LRP1: variants seen among roughly 807,000 people sequenced by gnomAD.
LRP1 encodes the protein LDL receptor related protein 1.
Under a neutral mutation model 541.5 loss-of-function variants are expected in LRP1, and 51 were observed. That is an observed-to-expected ratio of 0.09 (90% CI 0.08 to 0.12). The LOEUF (loss-of-function observed/expected upper bound fraction) is 0.12, where lower values mean the gene tolerates loss of function less well. LRP1 is among the 10% of genes least tolerant of loss of function. The pLI is 1.00. For missense variants in LRP1, 3,878 were observed against 6,376.2 expected (o/e 0.61, Z 13.34); for synonymous variants, 2,219 against 2,470.8 (o/e 0.90, Z 3.02).
rs756073595 is a variant in LRP1, at chr12:57,199,184, G to C, written c.9677-28G>C. ...ACCCTGTCCGAGCTCCGGCTGACTG[G>C]CACTGTGCCTGCCCCTTGGCCCTGC... is the stretch of plus-strand genomic sequence containing the variant. On this transcript the variant is annotated intron_variant, in intron 60 of 88. Coordinates refer to ENST00000243077, the MANE Select transcript of LRP1 (RefSeq NM_002332.3). The C allele has an allele frequency of 7.5e-6, 12 of 1,605,504 alleles. No homozygotes were observed. In the African/African-American group the frequency reaches 1.3e-4, roughly 18 times the overall value.
intron 42 of LRP1, among the ~76,000 whole-genome samples, chr12:57,188,579 C>T (rs1326796780): frequency 6.6e-6 from 1 of 152,174 alleles, no homozygotes; most frequent in African/African-American, 2.4e-5. Context: ...GAGCCTGTCC[C>T]TCATGAGTCT....
At position 57,177,599 on chromosome 12, in the gene LRP1, C is replaced by T; in HGVS notation, c.4361+8C>T. 1 of 1,613,316 alleles carries T rather than the reference C, an allele frequency of 6.2e-7. No individual in the cohort carries two copies. The highest frequency in any genetic ancestry group is 8.5e-7 in the Non-Finnish European group (1 of 1,179,740). The stretch of plus-strand genomic sequence containing the variant: ...CCTTTGGATTGACGCCAGGTCAGCA[C>T]CCTCTGTGCCCTGAGAAGGCCCAAG... On this transcript the variant is annotated splice_region_variant and intron_variant, in intron 26 of 88. Transcript: ENST00000243077. The surrounding 1 kb of genome is among the most constrained non-coding windows in gnomAD (Gnocchi z 6.8).
chr12:57,184,494 T>G lies in LRP1; in HGVS notation c.6186+42T>G. ...GGCCTTGGATCCGATGGTAGACCCCTGACCCAGGCTCCTGTTCCCTGTGAT... is the reference window on the plus strand; with the variant it reads ...GGCCTTGGATCCGATGGTAGACCCCGGACCCAGGCTCCTGTTCCCTGTGAT... On this transcript the variant is annotated intron_variant, in intron 38 of 88. Transcript: ENST00000243077. This position sits in a 1 kb window ranked among gnomAD's most constrained non-coding sequence, Gnocchi z 7.8. The G allele has an allele frequency of 6.2e-7, 1 of 1,612,438 alleles. No homozygotes were observed. The highest frequency in any genetic ancestry group is 1.1e-5 in the South Asian group (1 of 90,862).
In LRP1 at chr12:57,205,543, C is replaced by A. The variant is rs749665186; in HGVS notation, c.11471-15C>A. The A allele has an allele frequency of 3.1e-6, 5 of 1,614,002 alleles. No individual in the cohort carries two copies. Among genetic ancestry groups the A allele is most frequent in the Non-Finnish European group, 4.2e-6 (5 of 1,180,004 alleles). On this transcript the variant is annotated splice_polypyrimidine_tract_variant and intron_variant, in intron 74 of 88. Transcript: ENST00000243077. The surrounding 1 kb of genome is among the most constrained non-coding windows in gnomAD (Gnocchi z 4.6). ...CCCAACTGTGGACTCTCATGACCCT[C>A]CCTGTAACCCTTAGACATCAACGAG...
chr12:57,184,122 C>T lies in LRP1; in HGVS notation c.5967C>T (p.Ile1989=). The T allele has an allele frequency of 6.2e-7, 1 of 1,614,098 alleles. No homozygotes were observed. Among genetic ancestry groups the T allele is most frequent in the South Asian group, 1.1e-5 (1 of 91,072 alleles). The part of the protein sequence containing the change: ...IYWTDQGFDV[I]EVARLNGSFR... ...GGACAGACCAGGGCTTTGATGTCATCGAGGTCGCCCGGCTCAATGGCTCCT... is the reference window on the plus strand; with the variant it reads ...GGACAGACCAGGGCTTTGATGTCATTGAGGTCGCCCGGCTCAATGGCTCCT... The change falls in exon 37 of 89, where the codon ATC becomes ATT. Residue 1989 remains isoleucine, a synonymous_variant. Transcript: ENST00000243077. This position sits in a 1 kb window ranked among gnomAD's most constrained non-coding sequence, Gnocchi z 7.8.
In LRP1 at chr12:57,179,151, C is replaced by T. The variant is rs1052139596; in HGVS notation, c.4738+130C>T. ...GTCCCGATAGGAGAGGCTCCAGAGACAGCCACTGTGAGAAGGGGCTGCAGG... is the reference window on the plus strand; with the variant it reads ...GTCCCGATAGGAGAGGCTCCAGAGATAGCCACTGTGAGAAGGGGCTGCAGG... On this transcript the variant is annotated intron_variant, in intron 28 of 88. Transcript: ENST00000243077. The surrounding 1 kb of genome is among the most constrained non-coding windows in gnomAD (Gnocchi z 6.8). The T allele has an allele frequency of 8.1e-6, 11 of 1,361,772 alleles. No homozygotes were observed. In the African/African-American group the frequency reaches 1.6e-4, roughly 20 times the overall value. 84.4% of individuals were successfully genotyped at this position (1,361,772 alleles called of 1,614,324 possible). A position where few individuals can be genotyped will look rare whatever the true frequency, so the allele number is the denominator to read the frequency against.
At chr12:57,138,723 A>G (rs2035225752) in intron 2 of LRP1, 142 bp downstream of exon 2, 1 of 1,162,148 alleles carries the variant, frequency 8.6e-7, no homozygotes, top group Admixed American at 2.4e-5. Context: ...CACAGCTAAA[A>G]CTGTCCTTTA....
In LRP1 at chr12:57,201,103, G is replaced by A. The variant is rs200178766; in HGVS notation, c.10295G>A (p.Arg3432His). 46 of 1,614,044 alleles carry A rather than the reference G, an allele frequency of 2.8e-5. No homozygotes were observed. Among genetic ancestry groups the A allele is most frequent in the Admixed American group, 2.7e-4 (16 of 60,018 alleles). ...AACCGCTGTATTCCCGGCATCTTCC[G>A]CTGCAATGGGCAGGACAACTGCGGA... Reference protein sequence around the residue: ...NTNRCIPGIFRCNGQDNCGDG... With the variant: ...NTNRCIPGIFHCNGQDNCGDG... The change falls in exon 65 of 89, where the codon CGC becomes CAC. Residue 3432 changes from arginine to histidine, a missense_variant. Coordinates refer to ENST00000243077, the MANE Select transcript of LRP1 (RefSeq NM_002332.3). This position sits in a 1 kb window ranked among gnomAD's most constrained non-coding sequence, Gnocchi z 6.4.
In LRP1 at chr12:57,138,454, C is replaced by G. The variant is rs1232233585; in HGVS notation, c.68-5C>G. 6.2e-7 allele frequency: 1 copy of G among 1,613,656 alleles called. No individual in the cohort carries two copies. The highest frequency in any genetic ancestry group is 8.5e-7 in the Non-Finnish European group (1 of 1,179,778). On this transcript the variant is annotated splice_region_variant and splice_polypyrimidine_tract_variant and intron_variant, in intron 1 of 88. Coordinates refer to ENST00000243077, the MANE Select transcript of LRP1 (RefSeq NM_002332.3). ...TTTATATCCCCTTTTCTTTCCTTGC[C>G]CTAGCCCCTAAGACTTGCAGCCCCA...
rs553927301 is a variant in LRP1, at chr12:57,198,283, C to T, written c.9410C>T (p.Thr3137Met). ...TCCAAGCTCAATGGGGCCTATCGGA[C>T]GGTGCTGGTCAGCTCTGGCCTCCGT... is the stretch of plus-strand genomic sequence containing the variant. ...EVSKLNGAYR[T>M]VLVSSGLREP... The change falls in exon 59 of 89, where the codon ACG (threonine) becomes ATG (methionine). Residue 3137 changes from threonine to methionine, a missense_variant. By Grantham distance (81) the Thr-to-Met change is moderately conservative. Around this residue, in one of 13 missense-constraint regions of LRP1, gnomAD observed 1,100 missense variants for 1,827.4 expected, o/e 0.60. Coordinates refer to ENST00000243077, the MANE Select transcript of LRP1 (RefSeq NM_002332.3). The T allele has an allele frequency of 2.5e-4, 396 of 1,613,956 alleles. 2 individuals are homozygous for T. In the South Asian group the frequency reaches 3.9e-3, roughly 16 times the overall value.
rs200073974 is a variant in LRP1 at position 57,178,964 on chromosome 12, G to A, written c.4681G>A (p.Val1561Met). ...GTGTCTCATCAACTACAACCGGACC[G>A]TGTCCTGCGCCTGCCCCCACCTCAT... ...HLCLINYNRT[V>M]SCACPHLMKL... The change falls in exon 28 of 89, where the codon GTG becomes ATG. Residue 1561 changes from valine to methionine, a missense_variant. By Grantham distance (21) the Val-to-Met change is conservative. Transcript: ENST00000243077. The surrounding 1 kb of genome is among the most constrained non-coding windows in gnomAD (Gnocchi z 5.8). 1.6e-4 allele frequency: 256 copies of A among 1,614,066 alleles called. No individual in the cohort carries two copies. Among genetic ancestry groups the A allele is most frequent in the African/African-American group, 4.1e-4 (31 of 75,026 alleles).
chr12:57,187,991 G>A (rs982323910), intron 42 of LRP1, among the ~76,000 whole-genome samples: 2 of 152,216 alleles, frequency 1.3e-5, no homozygotes, highest in African/African-American at 2.4e-5. Flanking sequence ...TCGGACAGGG[G>A]AAGTGCTTTG....
intron 82 of LRP1, 52 bp downstream of exon 82, chr12:57,210,532 C>A: frequency 6.7e-7 from 1 of 1,491,084 alleles, no homozygotes; most frequent in East Asian, 2.3e-5. Flanking sequence ...GCCCCAGCCC[C>A]GCCACCCACC....
At chr12:57,132,588 AG>A (rs1176999781) in intron 1 of LRP1, among the ~76,000 whole-genome samples, 1 of 152,120 alleles carries the variant, frequency 6.6e-6, no homozygotes, top group Non-Finnish European at 1.5e-5. Flanking sequence ...CTCTGGACTG[AG>A]CCCCCTTCCT....
chr12:57,157,304 T>G (rs1299383217), intron 10 of LRP1, among the ~76,000 whole-genome samples: 1 of 152,140 alleles, frequency 6.6e-6, no homozygotes, highest in African/African-American at 2.4e-5. Flanking sequence ...TAATAAGTGG[T>G]TATGAAGAAA....
intron 76 of LRP1, among the ~76,000 whole-genome samples, chr12:57,207,318 TAAATA>T (rs1488060129): frequency 5.6e-3 from 211 of 37,780 alleles, no homozygotes; most frequent in South Asian, 0.017. Flanking sequence ...AATAAATAAA[TAAATA>T]AAATAAAATA....
chr12:57,149,735 A>G (rs1404113478), intron 6 of LRP1: 1 of 729,792 alleles, frequency 1.4e-6, no homozygotes, highest in Non-Finnish European at 2.5e-6. Context: ...GCTAAGCTCC[A>G]GACTGGCTGG....
At position 57,197,470 on chromosome 12, in the gene LRP1, C is replaced by T; in HGVS notation, c.9163-75C>T. ...GCAAGTCTCCCCGCTTAGGTCCAAC[C>T]ATCCCTCCCCCAGATGCAAATGTGG... On this transcript the variant is annotated intron_variant, in intron 57 of 88. Coordinates refer to ENST00000243077, the MANE Select transcript of LRP1 (RefSeq NM_002332.3). The surrounding 1 kb of genome is among the most constrained non-coding windows in gnomAD (Gnocchi z 4.5). 6.2e-7 allele frequency: 1 copy of T among 1,612,330 alleles called. No individual in the cohort carries two copies. Among genetic ancestry groups the T allele is most frequent in the Non-Finnish European group, 8.5e-7 (1 of 1,178,708 alleles).
Position 57,179,691 on chromosome 12 carries a change from T to C in LRP1, c.4967-91T>C, listed in dbSNP as rs1288912888. ...CCCTCAGTGCTCCAGCCTGGTTTCC[T>C]GATCCCTTTTCTCCAGAAGGCACAC... On this transcript the variant is annotated intron_variant, in intron 29 of 88. Transcript: ENST00000243077. This position sits in a 1 kb window ranked among gnomAD's most constrained non-coding sequence, Gnocchi z 6.8. 2.1e-6 allele frequency: 3 copies of C among 1,438,826 alleles called. No individual in the cohort carries two copies. Among genetic ancestry groups the C allele is most frequent in the African/African-American group, 1.4e-5 (1 of 71,790 alleles). 89.1% of individuals were successfully genotyped at this position (1,438,826 alleles called of 1,614,324 possible).
Sources: allele counts gnomAD v4.1 joint callset (sites outside exome capture counted in the v4.1 genomes callset), GRCh38; gene constraint gnomAD v4.1.1; regional missense constraint gnomAD v4.1.1; non-coding constraint Gnocchi (gnomAD v3.1); transcripts MANE v1.5; gene names NCBI Gene and HGNC (gene_info 2026-07-23, HGNC 2026-07-21).